Variants in CERS6 observed in about 807,000 individuals in gnomAD.
CERS6 encodes ceramide synthase 6, also known as LAG1 homolog, ceramide synthase 6.
Under a neutral mutation model 56.8 loss-of-function variants are expected in CERS6, and 26 were observed. The observed-to-expected ratio is 0.46, with a 90% CI of 0.34 to 0.63. CERS6 has a LOEUF of 0.63. Ranked by LOEUF, CERS6 falls within the 30% of genes least tolerant of loss-of-function variation. The pLI, the probability that CERS6 is intolerant of heterozygous loss-of-function variation, is 0.01. For synonymous variants in CERS6, 164 were observed against 173.3 expected (o/e 0.95, Z 0.42); for missense variants, 415 against 467.5 (o/e 0.89, Z 1.04).
At chr2:168,749,490 C>G (rs1017880020) in intron 8 of CERS6, among the ~76,000 whole-genome samples, 1 of 152,194 alleles carries the variant, frequency 6.6e-6, no homozygotes, top group African/African-American at 2.4e-5. Context: ...TGTCTCCACC[C>G]CTTATTCAAC....
At chr2:168,728,142 G>A (rs1258603131) in intron 8 of CERS6, among the ~76,000 whole-genome samples, 1 of 152,072 alleles carries the variant, frequency 6.6e-6, no homozygotes, top group African/African-American at 2.4e-5. Context: ...ATTGTCTTTG[G>A]CTGCTTTATG....
At chr2:168,588,937 G>C (rs1574083966) in intron 3 of CERS6, among the ~76,000 whole-genome samples, 1 of 152,122 alleles carries the variant, frequency 6.6e-6, no homozygotes, top group South Asian at 2.1e-4. Context: ...ACAGGGTTTT[G>C]CCATGTTGCC....
chr2:168,647,441 C>G (rs560380005), intron 4 of CERS6, among the ~76,000 whole-genome samples: 1 of 152,126 alleles, frequency 6.6e-6, no homozygotes, highest in African/African-American at 2.4e-5. Context: ...TTCTAGATAT[C>G]GAATCATGTT....
intron 3 of CERS6, among the ~76,000 whole-genome samples, chr2:168,628,504 A>G (rs1421026920): frequency 1.3e-5 from 2 of 152,212 alleles, no homozygotes; most frequent in African/African-American, 4.8e-5. Context: ...CAGTACCTTC[A>G]TAGGTCATCT....
chr2:168,682,927 C>T (rs574214694), intron 4 of CERS6, among the ~76,000 whole-genome samples: 1 of 152,130 alleles, frequency 6.6e-6, no homozygotes, highest in Non-Finnish European at 1.5e-5. Flanking sequence ...AAAACGTCAA[C>T]CCTGTATTAT....
intron 1 of CERS6, among the ~76,000 whole-genome samples, chr2:168,520,542 T>C (rs568135250): frequency 6.6e-6 from 1 of 151,624 alleles, no homozygotes; most frequent in African/African-American, 2.4e-5. Flanking sequence ...TAGGTTTTCT[T>C]CTAGGATCTT....
intron 1 of CERS6, among the ~76,000 whole-genome samples, chr2:168,519,206 G>A (rs1036818384): frequency 6.6e-6 from 1 of 152,088 alleles, no homozygotes; most frequent in African/African-American, 2.4e-5. Flanking sequence ...GGCCTTGGTA[G>A]CATTTTTCAA....
chr2:168,531,834 AAAG>A (rs1695173923), intron 1 of CERS6, among the ~76,000 whole-genome samples: 2 of 152,104 alleles, frequency 1.3e-5, no homozygotes, highest in South Asian at 4.1e-4. Flanking sequence ...AAAAAAAAAA[AAAG>A]GTCAGTGACC....
intron 8 of CERS6, among the ~76,000 whole-genome samples, chr2:168,762,800 A>G (rs1298542966): frequency 1.3e-5 from 2 of 152,188 alleles, no homozygotes; most frequent in Admixed American, 6.5e-5. Flanking sequence ...GTCTCATTCT[A>G]GTCTATAAAT....
At chr2:168,636,077 G>A (rs565890238) in intron 4 of CERS6, among the ~76,000 whole-genome samples, 4 of 152,146 alleles carry the variant, frequency 2.6e-5, no homozygotes, top group Admixed American at 6.5e-5. Context: ...TGTTTAAGGA[G>A]GCTTTAAATT....
chr2:168,460,418 A>T (rs1693758256), intron 1 of CERS6, among the ~76,000 whole-genome samples: 1 of 151,936 alleles, frequency 6.6e-6, no homozygotes, highest in South Asian at 2.1e-4. Flanking sequence ...GCTTGTCTCA[A>T]ACTCCTGAGC....
intron 8 of CERS6, among the ~76,000 whole-genome samples, chr2:168,758,814 C>T (rs150962927): frequency 8.5e-5 from 13 of 152,244 alleles, no homozygotes; most frequent in East Asian, 5.8e-4. Context: ...TTTTACACTG[C>T]GCTCTGTGAC....
At chr2:168,634,770 A>G (rs1320360236) in intron 4 of CERS6, among the ~76,000 whole-genome samples, 1 of 152,186 alleles carries the variant, frequency 6.6e-6, no homozygotes, top group African/African-American at 2.4e-5. Flanking sequence ...TGTAAAAGAA[A>G]AGTTACTCAA....
At chr2:168,719,044 AT>A (rs1299937083) in intron 8 of CERS6, among the ~76,000 whole-genome samples, 1 of 152,080 alleles carries the variant, frequency 6.6e-6, no homozygotes, top group Admixed American at 6.6e-5. Flanking sequence ...CCTTTTCCAT[AT>A]TGTTTAGGTG....
At chr2:168,699,192 T>A (rs1261293430) in intron 6 of CERS6, among the ~76,000 whole-genome samples, 1 of 152,198 alleles carries the variant, frequency 6.6e-6, no homozygotes, top group Non-Finnish European at 1.5e-5. Context: ...TAGCCATTAG[T>A]GAGGATTTAT....
At chr2:168,655,667 G>A (rs1685451986) in intron 4 of CERS6, among the ~76,000 whole-genome samples, 1 of 152,146 alleles carries the variant, frequency 6.6e-6, no homozygotes, top group Admixed American at 6.5e-5. Flanking sequence ...TTTTAAAATA[G>A]CTCAAATATA....
chr2:168,679,898 T>C (rs1401941515), intron 4 of CERS6, among the ~76,000 whole-genome samples: 1 of 152,236 alleles, frequency 6.6e-6, no homozygotes, highest in African/African-American at 2.4e-5. Flanking sequence ...TCCTTTAAGC[T>C]GCAGCCTCCT....
At chr2:168,529,693 A>T (rs1695131760) in intron 1 of CERS6, among the ~76,000 whole-genome samples, 1 of 152,180 alleles carries the variant, frequency 6.6e-6, no homozygotes, top group African/African-American at 2.4e-5. Flanking sequence ...TTTTTAGTTC[A>T]AGTTACTGAA....
chr2:168,503,766 C>T (rs1031741580), intron 1 of CERS6, among the ~76,000 whole-genome samples: 1 of 152,026 alleles, frequency 6.6e-6, no homozygotes, highest in African/African-American at 2.4e-5. Flanking sequence ...GTGAGTTGAC[C>T]TTTTGGGTCT....
Sources: gnomAD v4.1 joint callset for allele counts (sites outside exome capture counted in the v4.1 genomes callset) on GRCh38, gnomAD v4.1.1 for gene constraint, MANE v1.5 for transcripts, NCBI Gene and HGNC (gene_info 2026-07-23, HGNC 2026-07-21) for gene names.